The following RCBTB1 variants were observed in gnomAD, a reference collection of about 807,000 sequenced individuals.
The protein encoded by RCBTB1 is RCC1 and BTB domain containing protein 1, also known as RCC1 and BTB domain-containing protein 1.
A neutral mutation model predicts 62.4 loss-of-function variants in RCBTB1; 46 were observed. The ratio of observed to expected loss-of-function variants is 0.74; its 90% CI spans 0.58 to 0.94. RCBTB1 has a LOEUF of 0.94. Among genes scored for constraint, RCBTB1 ranks in the 40% least tolerant of loss-of-function variants. The pLI, the probability that RCBTB1 is intolerant of heterozygous loss-of-function variation, is 0.00. For synonymous variants in RCBTB1, 222 were observed against 245.8 expected (o/e 0.90, Z 0.91); for missense variants, 565 against 654.9 (o/e 0.86, Z 1.50).
At chr13:49,547,290 T>TTAACTCTTCCTAAGCA in intron 9 of RCBTB1, 18 of 741,962 alleles carry the variant, frequency 2.4e-5, no homozygotes, top group Non-Finnish European at 2.3e-5. Context: ...CACCCTTGCC[T>TTAACTCTTCCTAAGCA]CCATGCCCAT....
chr13:49,567,366 A>G, intron 2 of RCBTB1, 46 bp from the exon 3 acceptor site: 3 of 1,447,332 alleles, frequency 2.1e-6, no homozygotes, highest in Non-Finnish European at 1.9e-6. Flanking sequence ...ATAGTCACTG[A>G]GCTAACTTTC....
rs146380827 is a variant in RCBTB1 at position 49,573,770 on chromosome 13, T to C, written c.-41-6450A>G. 4.1e-3 allele frequency among the ~76,000 whole-genome samples: 580 copies of C among 141,682 alleles called. 2 individuals are homozygous for C. Among genetic ancestry groups the C allele is most frequent in the Non-Finnish European group, 6.8e-3 (446 of 65,852 alleles). 92.9% of individuals were successfully genotyped at this position (141,682 alleles called of 152,430 possible). On this transcript the variant is annotated intron_variant, in intron 2 of 12. Coordinates refer to ENST00000378302, the MANE Select transcript of RCBTB1 (RefSeq NM_018191.4). Reference sequence around the variant, plus strand: ...TGGCCTTCTTTGTATTTTTAAAATATAGTCCCAAATTTCTCTCTTTTTTTT... The same window carrying C: ...TGGCCTTCTTTGTATTTTTAAAATACAGTCCCAAATTTCTCTCTTTTTTTT...
At chr13:49,558,458 G>A (rs1392646904) in intron 5 of RCBTB1, among the ~76,000 whole-genome samples, 5 of 152,158 alleles carry the variant, frequency 3.3e-5, no homozygotes, top group East Asian at 3.9e-4. Context: ...TTGGGAGGCC[G>A]AGGCGGGAGG....
chr13:49,563,050 A>T (rs1962576506), intron 4 of RCBTB1, among the ~76,000 whole-genome samples: 1 of 151,736 alleles, frequency 6.6e-6, no homozygotes, highest in Admixed American at 6.6e-5. Context: ...AAATAAAAAT[A>T]AAAATAAAAA....
chr13:49,549,597 C>T lies in RCBTB1; in HGVS notation c.906G>A (p.Thr302=), dbSNP rs1237187140. Residue 302 remains threonine, a synonymous_variant, in exon 9 of 13, where the codon ACG becomes ACA. Coordinates refer to ENST00000378302, the MANE Select transcript of RCBTB1 (RefSeq NM_018191.4). ...CCCACATGTACACGTGCCCACCCTGCGTCTTGGCTGCAGACGTGTGGGCAG... is the reference window on the plus strand; with the variant it reads ...CCCACATGTACACGTGCCCACCCTGTGTCTTGGCTGCAGACGTGTGGGCAG... ...CHSAHTSAAK[T]QGGHVYMWGQ... 14 of 1,614,018 alleles carry T rather than the reference C, an allele frequency of 8.7e-6. No homozygotes were observed. The highest frequency in any genetic ancestry group is 2.2e-5 in the East Asian group (1 of 44,864).
intron 5 of RCBTB1, among the ~76,000 whole-genome samples, chr13:49,556,425 C>T (rs9562895): frequency 0.25 from 37,234 of 151,846 alleles, 5,913 homozygotes; most frequent in African/African-American, 0.44. Flanking sequence ...CTCCTGACCA[C>T]GTGGTCCACC....
At chr13:49,547,315 T>C in intron 9 of RCBTB1, 1 of 497,632 alleles carries the variant, frequency 2.0e-6, no homozygotes, top group Middle Eastern at 3.4e-4. Context: ...GGTCACCTAA[T>C]TGGGACAACT....
chr13:49,534,399 T>C (rs1959775684), intron 12 of RCBTB1, 137 bp from the exon 13 acceptor site: 1 of 837,054 alleles, frequency 1.2e-6, no homozygotes. Context: ...TACCTAAAAC[T>C]AGGCAAAAAG....
At chr13:49,550,973 C>T (rs921308834) in intron 8 of RCBTB1, among the ~76,000 whole-genome samples, 3 of 152,098 alleles carry the variant, frequency 2.0e-5, no homozygotes, top group African/African-American at 7.2e-5. Flanking sequence ...CATGGTGGTA[C>T]ACACCTGTAA....
chr13:49,582,411 C>T (rs557121796), intron 1 of RCBTB1, among the ~76,000 whole-genome samples: 3 of 152,236 alleles, frequency 2.0e-5, no homozygotes, highest in Admixed American at 2.0e-4. Context: ...CGCTTGAACT[C>T]GGGAGACGGA....
intron 9 of RCBTB1, chr13:49,547,289 C>CTTAACTCT: frequency 5.3e-5 from 40 of 759,196 alleles, no homozygotes; most frequent in Non-Finnish European, 6.9e-5. Flanking sequence ...GCACCCTTGC[C>CTTAACTCT]TCCATGCCCA....
rs759113467 is a variant in RCBTB1, at chr13:49,549,595, T to C, written c.908A>G (p.Gln303Arg). 7 of 1,614,054 alleles carry C rather than the reference T, an allele frequency of 4.3e-6. No individual in the cohort carries two copies. The highest frequency in any genetic ancestry group is 5.9e-6 in the Non-Finnish European group (7 of 1,179,942). Residue 303 changes from glutamine (Q) to arginine (R), a missense_variant, in exon 9 of 13, where the codon CAG becomes CGG. Coordinates refer to ENST00000378302, the MANE Select transcript of RCBTB1 (RefSeq NM_018191.4). ...GCCCCACATGTACACGTGCCCACCCTGCGTCTTGGCTGCAGACGTGTGGGC... is the reference window on the plus strand; with the variant it reads ...GCCCCACATGTACACGTGCCCACCCCGCGTCTTGGCTGCAGACGTGTGGGC... Reference protein sequence around the residue: ...HSAHTSAAKTQGGHVYMWGQC... With the variant: ...HSAHTSAAKTRGGHVYMWGQC...
At chr13:49,575,790 A>G (rs1963739631) in intron 2 of RCBTB1, among the ~76,000 whole-genome samples, 1 of 152,170 alleles carries the variant, frequency 6.6e-6, no homozygotes, top group Non-Finnish European at 1.5e-5. Flanking sequence ...ATTGGATACT[A>G]TGCTCACTAC....
chr13:49,541,001 G>C lies in RCBTB1; in HGVS notation c.1330C>G (p.Leu444Val), dbSNP rs760182251. 1 of 1,611,076 alleles carries C rather than the reference G, an allele frequency of 6.2e-7. No homozygotes were observed. The highest frequency in any genetic ancestry group is 8.5e-7 in the Non-Finnish European group (1 of 1,179,684). The change falls in exon 12 of 13, where the codon CTG becomes GTG. Residue 444 changes from leucine (L) to valine (V), a missense_variant. Leu to Val is a conservative substitution (Grantham distance 32). Transcript: ENST00000378302. ...DLPPEDAIGL[L>V]DLATSYCENR... ...TCACAGTAAGATGTCGCCAAATCCA[G>C]AAGACCTAAAAGTAAAATATGTGAA... is the stretch of plus-strand genomic sequence containing the variant.
chr13:49,575,260 T>C (rs917193613), intron 2 of RCBTB1, among the ~76,000 whole-genome samples: 23 of 152,144 alleles, frequency 1.5e-4, no homozygotes, highest in Non-Finnish European at 1.8e-4. Context: ...ACAAAAGATA[T>C]TGGCGAGGCT....
intron 2 of RCBTB1, among the ~76,000 whole-genome samples, chr13:49,568,999 C>A (rs181084748): frequency 1.3e-5 from 2 of 152,348 alleles, no homozygotes; most frequent in East Asian, 3.9e-4. Flanking sequence ...GTGCCAAGCA[C>A]TATTTTTAGA....
chr13:49,565,439 C>A (rs892230053), intron 4 of RCBTB1, among the ~76,000 whole-genome samples: 2 of 151,986 alleles, frequency 1.3e-5, no homozygotes, highest in African/African-American at 2.4e-5. Flanking sequence ...GCCGCCACCC[C>A]GTCTGGGAAG....
intron 4 of RCBTB1, among the ~76,000 whole-genome samples, chr13:49,565,140 G>A (rs1044770990): frequency 2.6e-5 from 4 of 152,144 alleles, no homozygotes; most frequent in Admixed American, 6.5e-5. Context: ...TCAGCCTGCC[G>A]AGTGCCTGCG....
chr13:49,559,655 C>A (rs867484646), intron 5 of RCBTB1, among the ~76,000 whole-genome samples: 431 of 103,798 alleles, frequency 4.2e-3, no homozygotes, highest in South Asian at 4.8e-3. Context: ...GACTCCATCT[C>A]AAAAAAAAAA....
Sources: allele counts gnomAD v4.1 joint callset (sites outside exome capture counted in the v4.1 genomes callset), GRCh38; gene constraint gnomAD v4.1.1; transcripts MANE v1.5; gene names NCBI Gene and HGNC (gene_info 2026-07-23, HGNC 2026-07-21).